STXBP5L: variants seen among roughly 807,000 people sequenced by gnomAD.
The protein encoded by STXBP5L is syntaxin binding protein 5L.
Under a neutral mutation model 144.5 loss-of-function variants are expected in STXBP5L, and 65 were observed. That is an observed-to-expected ratio of 0.45 (90% CI 0.37 to 0.55). The LOEUF (loss-of-function observed/expected upper bound fraction) is 0.55. Ranked by LOEUF, STXBP5L falls within the 20% of genes least tolerant of loss-of-function variation. STXBP5L has a pLI of 0.00. For missense variants in STXBP5L, 1,298 were observed against 1,405.5 expected, an observed-to-expected ratio of 0.92 and a Z score of 1.22; for synonymous variants, 505 against 469.6, an observed-to-expected ratio of 1.08 and a Z score of -0.97.
intron 8 of STXBP5L, among the ~76,000 whole-genome samples, chr3:121,156,613 T>C (rs1226326042): frequency 2.0e-5 from 3 of 151,986 alleles, no homozygotes; most frequent in African/African-American, 4.8e-5. Context: ...TATGCTAGCA[T>C]TGGGAATACA....
intron 2 of STXBP5L, among the ~76,000 whole-genome samples, chr3:120,953,072 T>G (rs752398462): frequency 8.0e-5 from 12 of 150,326 alleles, no homozygotes; most frequent in Non-Finnish European, 1.5e-4. Flanking sequence ...AGTGCTGGGA[T>G]TACAGGTGCA....
intron 25 of STXBP5L, among the ~76,000 whole-genome samples, chr3:121,416,381 A>G (rs891827287): frequency 2.0e-5 from 3 of 147,236 alleles, no homozygotes; most frequent in African/African-American, 7.7e-5. Flanking sequence ...TATAAATCCT[A>G]CAGAATAAAT....
At chr3:121,349,350 C>A (rs544123613) in intron 20 of STXBP5L, among the ~76,000 whole-genome samples, 15 of 151,910 alleles carry the variant, frequency 9.9e-5, no homozygotes, top group Non-Finnish European at 1.6e-4. Context: ...TGTTCTTTTA[C>A]ATTTGCTGAG....
intron 9 of STXBP5L, among the ~76,000 whole-genome samples, chr3:121,197,781 T>G (rs937666534): frequency 1.4e-4 from 21 of 152,304 alleles, no homozygotes; most frequent in South Asian, 8.3e-4. Context: ...TTGCTGAGAA[T>G]GATGGCTTCC....
chr3:120,928,619 T>C (rs1709762346), intron 2 of STXBP5L, among the ~76,000 whole-genome samples: 2 of 150,634 alleles, frequency 1.3e-5, no homozygotes, highest in South Asian at 4.2e-4. Flanking sequence ...TTCATATAAA[T>C]AGAATCATAT....
intron 2 of STXBP5L, among the ~76,000 whole-genome samples, chr3:120,939,957 C>T (rs963078543): frequency 6.6e-6 from 1 of 152,142 alleles, no homozygotes. Context: ...GACCTGAGAA[C>T]TGAACTACGT....
At chr3:120,987,292 C>T (rs1001196061) in intron 3 of STXBP5L, among the ~76,000 whole-genome samples, 2 of 151,928 alleles carry the variant, frequency 1.3e-5, no homozygotes, top group South Asian at 2.1e-4. Context: ...ATTGTATTAT[C>T]AGTATTTTTA....
rs540744964 is a variant in STXBP5L at position 121,235,100 on chromosome 3, A to G, written c.1184+1412A>G. ...ACATTCTTGTGCTTTTCATTACCCT[A>G]TATAAGTATGTGAATTAACATTTTG... On this transcript the variant is annotated intron_variant, in intron 12 of 26. Coordinates refer to ENST00000471454, the MANE Select transcript of STXBP5L (RefSeq NM_001308330.2). Among the ~76,000 whole-genome samples, 7 of 152,018 alleles carry G rather than the reference A, an allele frequency of 4.6e-5. No individual in the cohort carries two copies. In the South Asian group the frequency reaches 1.5e-3, roughly 32 times the overall value.
At chr3:120,920,149 A>G (rs1389583515) in intron 2 of STXBP5L, among the ~76,000 whole-genome samples, 1 of 151,842 alleles carries the variant, frequency 6.6e-6, no homozygotes, top group Non-Finnish European at 1.5e-5. Flanking sequence ...AACATACGAA[A>G]GTAACTCTTT....
intron 22 of STXBP5L, among the ~76,000 whole-genome samples, chr3:121,389,273 T>C (rs945855477): frequency 3.9e-5 from 6 of 152,080 alleles, no homozygotes; most frequent in South Asian, 2.1e-4. Context: ...ACTTGATTCT[T>C]CTCTCTTCTT....
intron 10 of STXBP5L, among the ~76,000 whole-genome samples, chr3:121,217,741 A>G (rs1043299613): frequency 2.0e-5 from 3 of 152,092 alleles, no homozygotes; most frequent in Non-Finnish European, 4.4e-5. Flanking sequence ...GTTATCTACT[A>G]GTATCCAATC....
chr3:121,007,114 A>C (rs562692133), intron 3 of STXBP5L, among the ~76,000 whole-genome samples: 1 of 152,126 alleles, frequency 6.6e-6, no homozygotes, highest in South Asian at 2.1e-4. Context: ...TAGATTGGGG[A>C]AGTTCTCCAG....
chr3:121,334,197 C>T (rs531318209), intron 20 of STXBP5L, among the ~76,000 whole-genome samples: 11 of 152,104 alleles, frequency 7.2e-5, no homozygotes, highest in Admixed American at 2.0e-4. Flanking sequence ...TTATCTCTGT[C>T]TTTTGTAAAT....
chr3:121,423,887 C>A lies in STXBP5L; in HGVS notation c.*4790C>A, dbSNP rs2047405497. ...TTTGAGAATTTCTGACCAGGCAGTGCTCCATCAACTCTTAATAATCATCTT... is the reference window on the plus strand; with the variant it reads ...TTTGAGAATTTCTGACCAGGCAGTGATCCATCAACTCTTAATAATCATCTT... On this transcript the variant is annotated 3_prime_UTR_variant, in exon 27 of 27. Transcript: ENST00000471454. 1 of 152,196 alleles carries A rather than the reference C, an allele frequency of 6.6e-6. No homozygotes were observed. Among genetic ancestry groups the A allele is most frequent in the Admixed American group, 6.5e-5 (1 of 15,272 alleles). The allele number at this position is 152,196 out of a possible 1,614,324, so 9.4% of individuals were successfully genotyped here.
chr3:121,190,172 GTC>G (rs1292387902), intron 9 of STXBP5L, among the ~76,000 whole-genome samples: 1 of 152,150 alleles, frequency 6.6e-6, no homozygotes, highest in Non-Finnish European at 1.5e-5. Context: ...TGTGAACAAA[GTC>G]TCTGGTTTTC....
In STXBP5L at chr3:121,378,838, G is replaced by T. The variant is rs751789410; in HGVS notation, c.2299G>T (p.Ala767Ser). Residue 767 changes from alanine to serine, a missense_variant, in exon 21 of 27, where the codon GCC becomes TCC. Physicochemically the swap from Ala to Ser is moderately conservative, Grantham distance 99. Coordinates refer to ENST00000471454, the MANE Select transcript of STXBP5L (RefSeq NM_001308330.2). ...WGPGRPPFRK[A>S]QSAACMEISL... The stretch of plus-strand genomic sequence containing the variant: ...TCCTGGAAGACCACCATTTCGAAAG[G>T]CCCAGTCAGCAGCCTGCATGGAGAT... 10 of 1,613,554 alleles carry T rather than the reference G, an allele frequency of 6.2e-6. No homozygotes were observed. Among genetic ancestry groups the T allele is most frequent in the Middle Eastern group, 1.6e-4 (1 of 6,078 alleles).
rs1433543853 is a variant in STXBP5L at position 120,962,064 on chromosome 3, A to G, written c.287+7027A>G. ...TTTTCATGTGTCTTTTGGCTGCGTA[A>G]ATGTCTTCTTTTGAGAAGTGTCTGT... is the stretch of plus-strand genomic sequence containing the variant. On this transcript the variant is annotated intron_variant, in intron 3 of 26. Coordinates refer to ENST00000471454, the MANE Select transcript of STXBP5L (RefSeq NM_001308330.2). Among the ~76,000 whole-genome samples, 6 of 152,222 alleles carry G rather than the reference A, an allele frequency of 3.9e-5. No homozygotes were observed. The East Asian group carries it at 1.2e-3, about 29-fold the overall frequency.
intron 9 of STXBP5L, among the ~76,000 whole-genome samples, chr3:121,204,161 C>A (rs1348956622): frequency 6.6e-6 from 1 of 152,098 alleles, no homozygotes; most frequent in East Asian, 1.9e-4. Context: ...ATCACTTGAA[C>A]CCAGGAGGCA....
intron 5 of STXBP5L, among the ~76,000 whole-genome samples, chr3:121,085,990 G>C (rs2042471915): frequency 1.3e-5 from 2 of 152,034 alleles, no homozygotes; most frequent in Admixed American, 6.6e-5. Flanking sequence ...CAATAGAACA[G>C]AATAAAGATC....
Sources: gnomAD v4.1 joint callset for allele counts (sites outside exome capture counted in the v4.1 genomes callset) on GRCh38, gnomAD v4.1.1 for gene constraint, MANE v1.5 for transcripts, NCBI Gene and HGNC (gene_info 2026-07-23, HGNC 2026-07-21) for gene names.